EDC3: variants seen among roughly 807,000 people sequenced by gnomAD.
EDC3 encodes the protein enhancer of mRNA decapping 3, also known as enhancer of mRNA-decapping protein 3.
A neutral mutation model predicts 41.8 loss-of-function variants in EDC3; 20 were observed. That is an observed-to-expected ratio of 0.48 (90% CI 0.34 to 0.70). The LOEUF is 0.70. EDC3 is among the 30% of genes least tolerant of loss of function. The pLI, the probability that EDC3 is intolerant of heterozygous loss-of-function variation, is 0.01. For synonymous variants in EDC3, 206 were observed against 243.2 expected (o/e 0.85, Z 1.42); for missense variants, 444 against 636.8 (o/e 0.70, Z 3.26).
chr15:74,638,973 A>T (rs1294678700), intron 5 of EDC3: 2 of 151,858 alleles, frequency 1.3e-5, no homozygotes. Flanking sequence ...GAGACAGACA[A>T]AGTCTCACTA....
chr15:74,653,120 C>T (rs780229595), intron 4 of EDC3, among the ~76,000 whole-genome samples: 28 of 149,346 alleles, frequency 1.9e-4, no homozygotes, highest in Non-Finnish European at 3.7e-4. Context: ...GTAGAGGTTG[C>T]GGTGCGCTGA....
chr15:74,685,590 C>T lies in EDC3; in HGVS notation c.-19+10290G>A, dbSNP rs550829752. On this transcript the variant is annotated intron_variant, in intron 1 of 6. Transcript: ENST00000315127. ...AGAAGTTACTCAAAATCTAGAGTAC[C>T]TACATGTTTATATCTAAATGTCTTG... Among the ~76,000 whole-genome samples, 3 of 152,114 alleles carry T rather than the reference C, an allele frequency of 2.0e-5. No individual in the cohort carries two copies. The South Asian group carries it at 6.2e-4, about 32-fold the overall frequency.
chr15:74,649,151 G>A (rs1055661002), intron 4 of EDC3, among the ~76,000 whole-genome samples: 4 of 143,472 alleles, frequency 2.8e-5, no homozygotes, highest in Admixed American at 7.4e-5. Context: ...TGCAAGCTCC[G>A]CCTCCCAGGT....
intron 1 of EDC3, among the ~76,000 whole-genome samples, chr15:74,681,222 C>T (rs376042024): frequency 6.6e-6 from 1 of 152,168 alleles, no homozygotes. Context: ...GGCGCAATCT[C>T]GGCTCACTGC....
At chr15:74,684,090 T>TC (rs2062907878) in intron 1 of EDC3, among the ~76,000 whole-genome samples, 1 of 148,632 alleles carries the variant, frequency 6.7e-6, no homozygotes, top group African/African-American at 2.5e-5. Flanking sequence ...TTCTGTTTTT[T>TC]TTTTTTTTTT....
intron 4 of EDC3, chr15:74,640,933 G>A: frequency 3.1e-6 from 1 of 317,508 alleles, no homozygotes; most frequent in Non-Finnish European, 5.9e-6. Context: ...CCAGCACACA[G>A]CCTGTAACAG....
chr15:74,680,400 T>A (rs1186270283), intron 1 of EDC3, among the ~76,000 whole-genome samples: 12 of 152,176 alleles, frequency 7.9e-5, no homozygotes, highest in East Asian at 1.9e-4. Context: ...AAAACACATG[T>A]TCATAGCAAC....
intron 5 of EDC3, chr15:74,638,589 C>T (rs2062305073): frequency 6.6e-6 from 1 of 152,198 alleles, no homozygotes; most frequent in Admixed American, 6.5e-5. Context: ...CCGCCTTGGC[C>T]TCCCGAAGTA....
At position 74,682,663 on chromosome 15, in the gene EDC3, A is replaced by G. The variant is rs192242381; in HGVS notation, c.-18-7521T>C. Among the ~76,000 whole-genome samples the G allele has an allele frequency of 2.1e-3, 325 of 151,904 alleles. 1 individual carries two copies. The highest frequency in any genetic ancestry group is 7.5e-3 in the African/African-American group (312 of 41,406). On this transcript the variant is annotated intron_variant, in intron 1 of 6. Coordinates refer to ENST00000315127, the MANE Select transcript of EDC3 (RefSeq NM_025083.5). ...CCAAAAAACTAAACATGCAACTACA[A>G]TATGACCCAGCAGTTGCACTTCTGG...
chr15:74,640,401 G>A, intron 5 of EDC3, 65 bp downstream of exon 5: 3 of 1,569,200 alleles, frequency 1.9e-6, no homozygotes, highest in Non-Finnish European at 2.6e-6. Flanking sequence ...GGGAGGCACT[G>A]TGGTGGTGGC....
At chr15:74,664,264 C>T (rs1026382296) in intron 3 of EDC3, among the ~76,000 whole-genome samples, 31 of 152,250 alleles carry the variant, frequency 2.0e-4, no homozygotes, top group African/African-American at 6.5e-4. Context: ...AACAAGCTGT[C>T]TCAGTACTTG....
intron 1 of EDC3, among the ~76,000 whole-genome samples, chr15:74,679,629 A>G (rs1042552127): frequency 2.0e-5 from 3 of 152,012 alleles, no homozygotes; most frequent in African/African-American, 7.3e-5. Context: ...CAACAATTCA[A>G]CAATAATGAT....
At chr15:74,641,939 TTAA>T (rs1487089372) in intron 4 of EDC3, 1 of 152,376 alleles carries the variant, frequency 6.6e-6, no homozygotes, top group African/African-American at 2.4e-5. Context: ...GGAATAAAAG[TTAA>T]TAAAAGTTTT....
At chr15:74,667,013 A>G (rs922807673) in intron 3 of EDC3, among the ~76,000 whole-genome samples, 3 of 152,204 alleles carry the variant, frequency 2.0e-5, no homozygotes, top group African/African-American at 7.2e-5. Context: ...ACAGTACGTA[A>G]GCACCACATT....
intron 1 of EDC3, chr15:74,679,770 A>C (rs910730160): frequency 2.7e-5 from 4 of 149,800 alleles, no homozygotes; most frequent in Non-Finnish European, 5.9e-5. Context: ...AAAAAAAAAA[A>C]AAAAAAAAAA....
intron 4 of EDC3, among the ~76,000 whole-genome samples, chr15:74,646,436 C>G (rs2062420127): frequency 6.6e-6 from 1 of 152,218 alleles, no homozygotes; most frequent in Non-Finnish European, 1.5e-5. Context: ...GAAAATAACA[C>G]AACAGCCTTA....
At position 74,632,655 on chromosome 15, in the gene EDC3, G is replaced by A. The variant is rs758018747; in HGVS notation, c.1484C>T (p.Ser495Leu). Residue 495 changes from serine (S) to leucine (L), a missense_variant, in exon 7 of 7, where the codon TCG becomes TTG. Physicochemically the swap from Ser to Leu is moderately radical, Grantham distance 145. Around this residue, in one of 3 missense-constraint regions of EDC3, gnomAD observed 242 missense variants for 363.8 expected, o/e 0.67. Coordinates refer to ENST00000315127, the MANE Select transcript of EDC3 (RefSeq NM_025083.5). This position sits in a 1 kb window ranked among gnomAD's most constrained non-coding sequence, Gnocchi z 4.0. ...GATAACAAACTTGCAGCCAAAGGGC[G>A]AGTGGTAGTTGATGCCCACCTCCTG... is the stretch of plus-strand genomic sequence containing the variant. ...VFQEVGINYH[S>L]PFGCKFVIPL... 11 of 1,613,970 alleles carry A rather than the reference G, an allele frequency of 6.8e-6. No individual in the cohort carries two copies. Among genetic ancestry groups the A allele is most frequent in the South Asian group, 2.2e-5 (2 of 91,072 alleles).
In EDC3 at chr15:74,632,339, A is replaced by G. The variant is rs2062220436; in HGVS notation, c.*273T>C. On this transcript the variant is annotated 3_prime_UTR_variant, in exon 7 of 7. Coordinates refer to ENST00000315127, the MANE Select transcript of EDC3 (RefSeq NM_025083.5). The surrounding 1 kb of genome is among the most constrained non-coding windows in gnomAD (Gnocchi z 4.0). ...TCTTGAGAGCTGCCTACGGCTGTAA[A>G]CAAAGGCCCACCTGGCCGTGCAGGG... 1 of 506,062 alleles carries G rather than the reference A, an allele frequency of 2.0e-6. No individual in the cohort carries two copies. Among genetic ancestry groups the G allele is most frequent in the Admixed American group, 3.3e-5 (1 of 30,216 alleles). 31.3% of individuals were successfully genotyped at this position (506,062 alleles called of 1,614,324 possible). A position where few individuals can be genotyped will look rare whatever the true frequency, so the allele number is the denominator to read the frequency against.
rs377491253 is a variant in EDC3 at position 74,655,879 on chromosome 15, T to C, written c.674A>G (p.Tyr225Cys). Residue 225 changes from tyrosine to cysteine, a missense_variant, in exon 4 of 7, where the codon TAT becomes TGT. Tyr to Cys is a radical substitution (Grantham distance 194, BLOSUM62 -2). This residue lies in a region of EDC3 where 242 missense variants were observed against 363.8 expected (regional missense o/e 0.67). Coordinates refer to ENST00000315127, the MANE Select transcript of EDC3 (RefSeq NM_025083.5). The part of the protein sequence containing the change: ...KAAVFEEIDT[Y>C]ERRSGTRSRG... ...GGAACGGGTACCACTTCTCCTTTCA[T>C]AGGTATCAATCTCCTCAAACACAGC... 8.1e-6 allele frequency: 13 copies of C among 1,614,060 alleles called. No homozygotes were observed. Among genetic ancestry groups the C allele is most frequent in the Admixed American group, 1.7e-5 (1 of 60,006 alleles).
Sources: allele counts gnomAD v4.1 joint callset (sites outside exome capture counted in the v4.1 genomes callset), GRCh38; gene constraint gnomAD v4.1.1; regional missense constraint gnomAD v4.1.1; non-coding constraint Gnocchi (gnomAD v3.1); transcripts MANE v1.5; gene names NCBI Gene and HGNC (gene_info 2026-07-23, HGNC 2026-07-21).